Variants in PTPRK observed in about 807,000 individuals in gnomAD.
PTPRK encodes the protein protein tyrosine phosphatase receptor type K, also known as receptor-type tyrosine-protein phosphatase kappa.
A neutral mutation model predicts 178.0 loss-of-function variants in PTPRK; 75 were observed. The observed-to-expected ratio is 0.42, with a 90% confidence interval of 0.35 to 0.51. The LOEUF is 0.51. Among genes scored for constraint, PTPRK ranks in the 20% least tolerant of loss-of-function variants. The probability of loss-of-function intolerance (pLI) is 0.02; values close to 1 mark genes in which losing one functional copy is unlikely to be tolerated. For missense variants in PTPRK, 1,441 were observed against 1,797.8 expected (o/e 0.80, Z 3.59); for synonymous variants, 637 against 620.6 (o/e 1.03, Z -0.39).
chr6:128,035,322 T>C (rs1776030899), intron 13 of PTPRK, among the ~76,000 whole-genome samples: 1 of 152,122 alleles, frequency 6.6e-6, no homozygotes. Flanking sequence ...GCTGAGATTG[T>C]GCCACTGCAC....
intron 2 of PTPRK, among the ~76,000 whole-genome samples, chr6:128,358,044 G>T (rs1351029541): frequency 6.6e-6 from 1 of 152,140 alleles, no homozygotes; most frequent in Non-Finnish European, 1.5e-5. Flanking sequence ...TTTTACTTCA[G>T]ATCTGTGAGC....
chr6:128,371,893 G>A (rs1236016388), intron 2 of PTPRK, among the ~76,000 whole-genome samples: 2 of 150,680 alleles, frequency 1.3e-5, no homozygotes, highest in East Asian at 1.9e-4. Flanking sequence ...AAAAAAAAGA[G>A]AGAGAGAGAG....
chr6:128,096,365 A>C (rs376823194), intron 7 of PTPRK, among the ~76,000 whole-genome samples: 3 of 152,310 alleles, frequency 2.0e-5, no homozygotes, highest in Admixed American at 2.0e-4. Flanking sequence ...GTGGTTCTAG[A>C]TAACAGATAA....
chr6:128,110,619 TA>T (rs539131172), intron 7 of PTPRK, among the ~76,000 whole-genome samples: 1,546 of 140,468 alleles, frequency 0.011, 18 homozygotes, highest in African/African-American at 0.031. Context: ...AAGATAGAAG[TA>T]AAAAAAAAAA....
At chr6:128,319,134 C>G (rs1828443086) in intron 3 of PTPRK, among the ~76,000 whole-genome samples, 1 of 152,120 alleles carries the variant, frequency 6.6e-6, no homozygotes, top group Non-Finnish European at 1.5e-5. Context: ...ATACACAGTA[C>G]AGTGGAAAGC....
intron 1 of PTPRK, among the ~76,000 whole-genome samples, chr6:128,476,309 T>C (rs188246912): frequency 5.3e-4 from 80 of 152,214 alleles, no homozygotes; most frequent in Admixed American, 2.9e-3. Flanking sequence ...TTAATTGATT[T>C]GATTGTGGAG....
intron 21 of PTPRK, among the ~76,000 whole-genome samples, chr6:127,988,628 A>G (rs1371485234): frequency 6.6e-6 from 1 of 152,104 alleles, no homozygotes; most frequent in African/African-American, 2.4e-5. Flanking sequence ...GTCCTAGACT[A>G]AAAGTTATAT....
chr6:128,004,937 C>T, intron 15 of PTPRK, 147 bp downstream of exon 15: 1 of 672,560 alleles, frequency 1.5e-6, no homozygotes, highest in Non-Finnish European at 2.4e-6. Context: ...CTTGTAAATT[C>T]CATAATATTC....
chr6:128,494,201 T>TAAAAAA (rs11301155), intron 1 of PTPRK, among the ~76,000 whole-genome samples: 1 of 112,944 alleles, frequency 8.9e-6, no homozygotes, highest in Non-Finnish European at 1.8e-5. Flanking sequence ...CCCTGTATCT[T>TAAAAAA]AAAAAAAAAA....
intron 6 of PTPRK, among the ~76,000 whole-genome samples, chr6:128,213,430 T>G (rs948589392): frequency 1.3e-4 from 19 of 151,896 alleles, no homozygotes. Context: ...TTTTGGGGGG[T>G]AAAATTAGTA....
At chr6:128,028,639 G>T (rs2114787637) in intron 13 of PTPRK, among the ~76,000 whole-genome samples, 1 of 152,286 alleles carries the variant, frequency 6.6e-6, no homozygotes, top group Non-Finnish European at 1.5e-5. Context: ...CACACTGCAT[G>T]AAATTATTAC....
intron 1 of PTPRK, among the ~76,000 whole-genome samples, chr6:128,518,296 A>G (rs1460833935): frequency 6.6e-6 from 1 of 152,250 alleles, no homozygotes; most frequent in Non-Finnish European, 1.5e-5. Flanking sequence ...TTAGAACTAG[A>G]TATCTAAGAA....
chr6:128,398,723 T>C (rs1013951205), intron 1 of PTPRK, among the ~76,000 whole-genome samples: 3 of 152,194 alleles, frequency 2.0e-5, no homozygotes, highest in Admixed American at 1.3e-4. Flanking sequence ...TACACAATTA[T>C]GATTTAAAAG....
rs141908575 is a variant in PTPRK at position 128,041,532 on chromosome 6, G to GA, written c.2194+23225dup. On this transcript the variant is annotated intron_variant, in intron 13 of 29. Coordinates refer to ENST00000368226, the MANE Select transcript of PTPRK (RefSeq NM_002844.4). ...TTTTCCCTGCAATTGGATAAATATAGAAAAAAGAGGCAGAAATCATATTAC... is the reference window on the plus strand; with the variant it reads ...TTTTCCCTGCAATTGGATAAATATAGAAAAAAAGAGGCAGAAATCATATTAC... 8.8e-3 allele frequency among the ~76,000 whole-genome samples: 1,337 copies of GA among 151,876 alleles called. 49 individuals carry two copies. Among genetic ancestry groups the GA allele is most frequent in the East Asian group, 0.053 (272 of 5,172 alleles).
intron 1 of PTPRK, among the ~76,000 whole-genome samples, chr6:128,407,459 A>C (rs902920608): frequency 6.6e-6 from 1 of 151,914 alleles, no homozygotes; most frequent in Non-Finnish European, 1.5e-5. Flanking sequence ...CAACAAAGCG[A>C]GATCCCCATG....
intron 2 of PTPRK, among the ~76,000 whole-genome samples, chr6:128,327,500 G>T (rs1018361132): frequency 6.6e-6 from 1 of 152,228 alleles, no homozygotes; most frequent in African/African-American, 2.4e-5. Flanking sequence ...CAGTCTGACA[G>T]ACCCCTCATT....
intron 7 of PTPRK, among the ~76,000 whole-genome samples, chr6:128,128,194 A>C (rs1793675995): frequency 6.6e-6 from 1 of 152,154 alleles, no homozygotes; most frequent in Non-Finnish European, 1.5e-5. Context: ...TTTCACACTA[A>C]TTTCATTTTT....
chr6:128,008,560 T>C (rs1778688555), intron 14 of PTPRK, among the ~76,000 whole-genome samples: 2 of 151,134 alleles, frequency 1.3e-5, no homozygotes, highest in South Asian at 4.1e-4. Flanking sequence ...GGTCTCAGTA[T>C]CTTCAAGTAA....
At chr6:128,033,287 G>A (rs1400642143) in intron 13 of PTPRK, among the ~76,000 whole-genome samples, 1 of 152,124 alleles carries the variant, frequency 6.6e-6, no homozygotes, top group Non-Finnish European at 1.5e-5. Flanking sequence ...AGATACTGAG[G>A]TATAATGGAT....
Sources: allele counts gnomAD v4.1 joint callset (sites outside exome capture counted in the v4.1 genomes callset), GRCh38; gene constraint gnomAD v4.1.1; transcripts MANE v1.5; gene names NCBI Gene and HGNC (gene_info 2026-07-23, HGNC 2026-07-21).